The following CHODL variants were observed in gnomAD, a reference collection of about 807,000 sequenced individuals.
CHODL encodes transmembrane protein MT75.
In CHODL, 29 loss-of-function variants were observed where a neutral mutation model predicts 34.5. The ratio of observed to expected loss-of-function variants is 0.84; its 90% CI spans 0.63 to 1.15. The LOEUF (loss-of-function observed/expected upper bound fraction) is 1.15, where lower values mean the gene tolerates loss of function less well. Ranked by LOEUF, CHODL falls within the 50% of genes most tolerant of loss-of-function variation. CHODL has a pLI of 0.00. For missense variants in CHODL, 332 were observed against 332.5 expected (o/e 1.00, Z 0.01); for synonymous variants, 125 against 116.1 (o/e 1.08, Z -0.49).
intron 2 of CHODL, among the ~76,000 whole-genome samples, chr21:18,132,436 GCACT>G (rs1568902661): frequency 6.6e-6 from 1 of 152,230 alleles, no homozygotes; most frequent in East Asian, 1.9e-4. Flanking sequence ...TCCTTGGAAG[GCACT>G]CAGCCTGATA....
At chr21:18,197,616 A>G (rs1311454478) in intron 2 of CHODL, among the ~76,000 whole-genome samples, 1 of 152,232 alleles carries the variant, frequency 6.6e-6, no homozygotes, top group East Asian at 1.9e-4. Context: ...CTCCATCTCA[A>G]AAAACCAAAC....
chr21:18,194,814 T>A (rs978226480), intron 2 of CHODL, among the ~76,000 whole-genome samples: 2 of 152,048 alleles, frequency 1.3e-5, no homozygotes, highest in African/African-American at 4.8e-5. Context: ...ATACATTATT[T>A]TTTCTCTCTT....
intron 3 of CHODL, 49 bp downstream of exon 3, chr21:18,257,176 G>A (rs183172543): frequency 1.3e-6 from 2 of 1,506,192 alleles, no homozygotes; most frequent in East Asian, 2.3e-5. Context: ...ATGTTTAATT[G>A]TATTAAGTTT....
Position 18,256,533 on chromosome 21 carries a change from T to C in CHODL, c.104T>C (p.Phe35Ser). 2 of 1,612,978 alleles carry C rather than the reference T, an allele frequency of 1.2e-6. No homozygotes were observed. Among genetic ancestry groups the C allele is most frequent in the East Asian group, 2.2e-5 (1 of 44,858 alleles). The change falls in exon 2 of 6, where the codon TTC (phenylalanine) becomes TCC (serine). Residue 35 changes from phenylalanine to serine, a missense_variant. Phe to Ser is a radical substitution (Grantham distance 155). Transcript: ENST00000299295. ...VSGQKVCFADFKHPCYKMAYF... is the reference protein window; with the variant it reads ...VSGQKVCFADSKHPCYKMAYF... The stretch of plus-strand genomic sequence containing the variant: ...GGCCAAAAGGTGTGTTTTGCTGACT[T>C]CAAGCATCCCTGCTACAAAATGGCC...
At chr21:18,088,616 A>G (rs1357618578) in intron 2 of CHODL, among the ~76,000 whole-genome samples, 1 of 152,084 alleles carries the variant, frequency 6.6e-6, no homozygotes, top group Non-Finnish European at 1.5e-5. Flanking sequence ...CTATCTGTCA[A>G]TTTCCAGATG....
intron 2 of CHODL, among the ~76,000 whole-genome samples, chr21:18,143,713 A>AT (rs1568908260): frequency 6.6e-6 from 1 of 152,094 alleles, no homozygotes; most frequent in Non-Finnish European, 1.5e-5. Flanking sequence ...TCCAGAACAT[A>AT]TTAATGCTAG....
At chr21:18,174,841 A>C (rs2033846650) in intron 2 of CHODL, among the ~76,000 whole-genome samples, 2 of 152,214 alleles carry the variant, frequency 1.3e-5, no homozygotes, top group African/African-American at 2.4e-5. Flanking sequence ...TAAAATAGTA[A>C]GATAGATGCC....
chr21:17,932,967 C>T (rs1042660743), intron 1 of CHODL, among the ~76,000 whole-genome samples: 1 of 152,040 alleles, frequency 6.6e-6, no homozygotes, highest in Non-Finnish European at 1.5e-5. Flanking sequence ...AGAAGGTCAG[C>T]AGATAAACAC....
chr21:18,095,997 A>C (rs1735300), intron 2 of CHODL, among the ~76,000 whole-genome samples: 12 of 152,046 alleles, frequency 7.9e-5, no homozygotes, highest in Non-Finnish European at 1.2e-4. Flanking sequence ...CCCTGAATGG[A>C]GGGACTGGCT....
chr21:18,034,842 G>T (rs942913557), intron 2 of CHODL, among the ~76,000 whole-genome samples: 1 of 151,934 alleles, frequency 6.6e-6, no homozygotes, highest in South Asian at 2.1e-4. Context: ...TTGACTTTAG[G>T]TATATTCTCT....
At chr21:17,999,987 G>A (rs1359498480) in intron 1 of CHODL, among the ~76,000 whole-genome samples, 1 of 152,090 alleles carries the variant, frequency 6.6e-6, no homozygotes, top group Non-Finnish European at 1.5e-5. Flanking sequence ...CCATAGTAAA[G>A]AAGAAATAAA....
intron 1 of CHODL, among the ~76,000 whole-genome samples, chr21:18,253,495 G>T (rs1364384860): frequency 6.6e-6 from 1 of 152,062 alleles, no homozygotes; most frequent in Non-Finnish European, 1.5e-5. Flanking sequence ...ACTATGTAAA[G>T]GATGTAGTAG....
chr21:18,157,955 G>GT (rs1184194740), intron 2 of CHODL, among the ~76,000 whole-genome samples: 2 of 146,932 alleles, frequency 1.4e-5, no homozygotes, highest in Non-Finnish European at 3.0e-5. Context: ...CAGAAAAGAA[G>GT]TAAAAAAAAA....
At chr21:18,146,821 C>G (rs2072896392) in intron 2 of CHODL, among the ~76,000 whole-genome samples, 1 of 152,172 alleles carries the variant, frequency 6.6e-6, no homozygotes, top group East Asian at 1.9e-4. Context: ...GGCATCCACT[C>G]TTTTTTATTT....
chr21:17,968,540 C>T (rs2063590649), intron 1 of CHODL, among the ~76,000 whole-genome samples: 1 of 152,142 alleles, frequency 6.6e-6, no homozygotes, highest in Non-Finnish European at 1.5e-5. Flanking sequence ...AGATTCTGCC[C>T]TAATGGTTTC....
At chr21:17,988,383 T>TC (rs752316571) in intron 1 of CHODL, among the ~76,000 whole-genome samples, 75,033 of 144,326 alleles carry the variant, frequency 0.52, 20,279 homozygotes, top group African/African-American at 0.67. Context: ...TTTTTTTTTT[T>TC]TCCCTTTTTT....
At chr21:18,223,499 A>G (rs2073903306) in intron 2 of CHODL, among the ~76,000 whole-genome samples, 1 of 152,172 alleles carries the variant, frequency 6.6e-6, no homozygotes, top group Admixed American at 6.5e-5. Context: ...AGAATAAGTA[A>G]GGGTAACAGG....
chr21:17,978,070 T>C (rs1340151078), intron 1 of CHODL, among the ~76,000 whole-genome samples: 2 of 152,266 alleles, frequency 1.3e-5, no homozygotes, highest in East Asian at 3.9e-4. Flanking sequence ...CCCACAGTTC[T>C]GTAGGTCAGA....
chr21:18,119,732 G>A (rs868532887), intron 2 of CHODL, among the ~76,000 whole-genome samples: 1 of 152,084 alleles, frequency 6.6e-6, no homozygotes, highest in Middle Eastern at 3.2e-3. Flanking sequence ...AGAACATAAA[G>A]TAGGGATGGA....
Sources: allele counts gnomAD v4.1 joint callset (sites outside exome capture counted in the v4.1 genomes callset), GRCh38; gene constraint gnomAD v4.1.1; transcripts MANE v1.5; gene names NCBI Gene and HGNC (gene_info 2026-07-23, HGNC 2026-07-21).